Variants in SHQ1 observed in about 807,000 individuals in gnomAD.
SHQ1 encodes SHQ1, H/ACA ribonucleoprotein assembly factor.
Under a neutral mutation model 53.8 loss-of-function variants are expected in SHQ1, and 49 were observed. The ratio of observed to expected loss-of-function variants is 0.91; its 90% CI spans 0.72 to 1.16. The LOEUF (loss-of-function observed/expected upper bound fraction) is 1.16. Among genes scored for constraint, SHQ1 ranks in the 50% most tolerant of loss-of-function variants. The pLI, the probability that SHQ1 is intolerant of heterozygous loss-of-function variation, is 0.00. For missense variants in SHQ1, 738 were observed against 683.1 expected (o/e 1.08, Z -0.90); for synonymous variants, 243 against 251.0 (o/e 0.97, Z 0.30).
At chr3:72,750,951 G>C (rs1030356355) in intron 10 of SHQ1, 115 bp from the exon 11 acceptor site, 1 of 769,574 alleles carries the variant, frequency 1.3e-6, no homozygotes, top group Non-Finnish European at 2.0e-6. Context: ...TGGCACACCA[G>C]GATATATATC....
At chr3:72,814,354 G>A (rs991028461) in intron 8 of SHQ1, 1 of 152,168 alleles carries the variant, frequency 6.6e-6, no homozygotes, top group African/African-American at 2.4e-5. Context: ...AGCACTTTTT[G>A]TCTTCAATAT....
chr3:72,814,875 A>T (rs1707259763), intron 8 of SHQ1, among the ~76,000 whole-genome samples: 1 of 152,200 alleles, frequency 6.6e-6, no homozygotes, highest in South Asian at 2.1e-4. Flanking sequence ...AAGGATCCTC[A>T]CCTGTAAAAC....
intron 10 of SHQ1, among the ~76,000 whole-genome samples, chr3:72,787,261 T>C (rs1706261231): frequency 6.6e-6 from 1 of 152,240 alleles, no homozygotes; most frequent in Non-Finnish European, 1.5e-5. Flanking sequence ...AAAGAGGGTT[T>C]AGAATTTCAA....
intron 4 of SHQ1, among the ~76,000 whole-genome samples, chr3:72,835,543 T>C (rs1707967350): frequency 6.6e-6 from 1 of 152,120 alleles, no homozygotes; most frequent in Non-Finnish European, 1.5e-5. Flanking sequence ...AACCTGTGAG[T>C]CTCTGTAGAC....
At chr3:72,848,144 A>G (rs1330534163) in intron 1 of SHQ1, 54 bp downstream of exon 1, 2 of 1,606,534 alleles carry the variant, frequency 1.2e-6, no homozygotes, top group Non-Finnish European at 1.7e-6. Flanking sequence ...TTCTCCCTCT[A>G]AAGCAGCTAT....
intron 10 of SHQ1, among the ~76,000 whole-genome samples, chr3:72,776,328 G>A (rs1389686932): frequency 6.6e-6 from 1 of 152,116 alleles, no homozygotes; most frequent in Non-Finnish European, 1.5e-5. Context: ...TAGATATGTT[G>A]AGATATACAA....
At chr3:72,841,824 A>G (rs930494095) in intron 3 of SHQ1, among the ~76,000 whole-genome samples, 9 of 152,220 alleles carry the variant, frequency 5.9e-5, no homozygotes, top group African/African-American at 7.2e-5. Context: ...CACAGTTCAC[A>G]GTAAGTTCAT....
intron 4 of SHQ1, among the ~76,000 whole-genome samples, chr3:72,833,506 AC>A (rs879739554): frequency 3.7e-3 from 168 of 44,836 alleles, no homozygotes; most frequent in East Asian, 0.013. Context: ...AGATAGACAG[AC>A]AGACAGACAG....
chr3:72,812,930 T>TA, intron 8 of SHQ1, 136 bp from the exon 9 acceptor site: 1 of 884,908 alleles, frequency 1.1e-6, no homozygotes. Flanking sequence ...AAGAGAAACA[T>TA]AAAACCATGA....
chr3:72,777,728 C>T (rs1216843096), intron 10 of SHQ1, among the ~76,000 whole-genome samples: 1 of 152,156 alleles, frequency 6.6e-6, no homozygotes, highest in Non-Finnish European at 1.5e-5. Flanking sequence ...AAAAGTTGCA[C>T]AAGTACACCA....
intron 1 of SHQ1, among the ~76,000 whole-genome samples, chr3:72,847,668 AG>A (rs1216166709): frequency 1.2e-4 from 18 of 152,264 alleles, no homozygotes; most frequent in African/African-American, 4.3e-4. Context: ...ACAGCAGGGA[AG>A]CAGGAGAACT....
At chr3:72,736,792 CA>C in the SHQ1 span, among the ~76,000 whole-genome samples, 20 of 105,310 alleles carry the variant, frequency 1.9e-4, no homozygotes, top group Middle Eastern at 4.8e-3. Context: ...GACTCCGTTT[CA>C]AAAAAAAAAA....
chr3:72,733,676 A>T, the SHQ1 span, among the ~76,000 whole-genome samples: 1 of 151,638 alleles, frequency 6.6e-6, no homozygotes, highest in South Asian at 2.1e-4. Context: ...AACATTTAAT[A>T]AGACACCCAA....
intron 10 of SHQ1, among the ~76,000 whole-genome samples, chr3:72,774,465 T>C (rs1244570076): frequency 6.6e-6 from 1 of 151,474 alleles, no homozygotes; most frequent in Non-Finnish European, 1.5e-5. Flanking sequence ...AACAAATTTC[T>C]AAACAATGAT....
At chr3:72,788,886 CG>C (rs531691336) in intron 10 of SHQ1, among the ~76,000 whole-genome samples, 25 of 152,066 alleles carry the variant, frequency 1.6e-4, no homozygotes, top group African/African-American at 6.0e-4. Context: ...GCAGCATACT[CG>C]TTAAGAGTCA....
chr3:72,831,841 T>C (rs1490822074), intron 5 of SHQ1, among the ~76,000 whole-genome samples: 1 of 152,208 alleles, frequency 6.6e-6, no homozygotes, highest in African/African-American at 2.4e-5. Context: ...TGGGAAATAA[T>C]ACAGCAAAAC....
chr3:72,840,946 A>G, intron 4 of SHQ1, 99 bp downstream of exon 4: 1 of 1,356,578 alleles, frequency 7.4e-7, no homozygotes. Flanking sequence ...ACCTCCTGTA[A>G]TATTATTTTT....
chr3:72,784,136 TAA>T (rs76106891), intron 10 of SHQ1, among the ~76,000 whole-genome samples: 9 of 116,986 alleles, frequency 7.7e-5, no homozygotes, highest in African/African-American at 1.3e-4. Context: ...AAAGTCTACC[TAA>T]AAAAAAAAAA....
At chr3:72,810,126 G>C (rs1307759395) in intron 9 of SHQ1, among the ~76,000 whole-genome samples, 1 of 152,150 alleles carries the variant, frequency 6.6e-6, no homozygotes, top group Non-Finnish European at 1.5e-5. Flanking sequence ...AAAAGTTGAA[G>C]AGACAGAGAC....
Sources: allele counts gnomAD v4.1 joint callset (sites outside exome capture counted in the v4.1 genomes callset), GRCh38; gene constraint gnomAD v4.1.1; transcripts MANE v1.5; gene names NCBI Gene and HGNC (gene_info 2026-07-23, HGNC 2026-07-21).